CEP112: variants seen among roughly 807,000 people sequenced by gnomAD.
The protein encoded by CEP112 is centrosomal protein 112.
CEP112 carries 127 observed loss-of-function variants against 153.0 expected under a neutral mutation model. The observed-to-expected ratio is 0.83, with a 90% CI of 0.72 to 0.96. CEP112 has a LOEUF of 0.96. Among genes scored for constraint, CEP112 ranks in the 40% least tolerant of loss-of-function variants. The pLI is 0.00. For synonymous variants in CEP112, 358 were observed against 374.4 expected, an observed-to-expected ratio of 0.96 and a Z score of 0.51; for missense variants, 1,089 against 1,101.2, an observed-to-expected ratio of 0.99 and a Z score of 0.16.
intron 8 of CEP112, among the ~76,000 whole-genome samples, chr17:66,082,628 T>A (rs941481413): frequency 6.6e-6 from 1 of 152,050 alleles, no homozygotes; most frequent in Non-Finnish European, 1.5e-5. Context: ...CCAGATGTCA[T>A]GGCGTGTGCC....
At chr17:65,761,642 C>T (rs989966842) in intron 21 of CEP112, among the ~76,000 whole-genome samples, 1 of 152,012 alleles carries the variant, frequency 6.6e-6, no homozygotes, top group Admixed American at 6.6e-5. Context: ...ATTGAGATTT[C>T]TTCTTTGACC....
chr17:65,744,420 G>C (rs1174174754), intron 22 of CEP112, among the ~76,000 whole-genome samples: 1 of 151,980 alleles, frequency 6.6e-6, no homozygotes, highest in Non-Finnish European at 1.5e-5. Flanking sequence ...GCTAATTTTT[G>C]TATTTTTAGT....
At chr17:65,853,724 T>A (rs1202815585) in intron 20 of CEP112, among the ~76,000 whole-genome samples, 1 of 95,764 alleles carries the variant, frequency 1.0e-5, no homozygotes, top group African/African-American at 3.9e-5. Flanking sequence ...CGAGACTCCA[T>A]CTAAAAAAAA....
intron 12 of CEP112, among the ~76,000 whole-genome samples, chr17:66,030,607 A>T (rs2065422610): frequency 7.2e-6 from 1 of 139,512 alleles, no homozygotes; most frequent in Admixed American, 8.1e-5. Context: ...TGTAAAATGC[A>T]CTTCTCTACT....
At chr17:66,058,343 T>C (rs1033138578) in intron 11 of CEP112, among the ~76,000 whole-genome samples, 1 of 151,914 alleles carries the variant, frequency 6.6e-6, no homozygotes, top group Non-Finnish European at 1.5e-5. Context: ...ATATGCCAAA[T>C]TTATAGAAAA....
chr17:65,779,850 C>T (rs2053901102), intron 21 of CEP112, among the ~76,000 whole-genome samples: 1 of 152,084 alleles, frequency 6.6e-6, no homozygotes, highest in South Asian at 2.1e-4. Flanking sequence ...ATCAATACCC[C>T]TATTTACTAA....
intron 21 of CEP112, chr17:65,826,602 A>G: frequency 8.2e-7 from 1 of 1,214,940 alleles, no homozygotes; most frequent in Non-Finnish European, 1.0e-6. Context: ...TCCCAGGGGC[A>G]GAAAATAGGA....
intron 23 of CEP112, among the ~76,000 whole-genome samples, chr17:65,715,109 C>A (rs1414982056): frequency 6.6e-6 from 1 of 152,126 alleles, no homozygotes; most frequent in Non-Finnish European, 1.5e-5. Context: ...CAGGAAACAA[C>A]TCATGTGATG....
intron 6 of CEP112, among the ~76,000 whole-genome samples, chr17:66,098,552 C>G (rs1178218003): frequency 6.6e-6 from 1 of 152,072 alleles, no homozygotes; most frequent in Non-Finnish European, 1.5e-5. Context: ...GAAGTCATAA[C>G]ATTTATAATA....
At chr17:66,051,594 C>A (rs1348374) in intron 12 of CEP112, among the ~76,000 whole-genome samples, 62,432 of 151,862 alleles carry the variant, frequency 0.41, 14,293 homozygotes, top group East Asian at 0.87. Flanking sequence ...ACTGTGCATA[C>A]CACTTCTCAT....
chr17:65,940,039 T>C (rs2061461905), intron 18 of CEP112, among the ~76,000 whole-genome samples: 1 of 151,998 alleles, frequency 6.6e-6, no homozygotes, highest in Admixed American at 6.6e-5. Flanking sequence ...AATAACTCAA[T>C]AGCAAGAAAA....
At chr17:66,186,014 ATC>A (rs1223761989) in intron 1 of CEP112, among the ~76,000 whole-genome samples, 2 of 144,990 alleles carry the variant, frequency 1.4e-5, no homozygotes, top group Non-Finnish European at 3.1e-5. Flanking sequence ...GTCTCTCATA[ATC>A]TCTCTCATTC....
At chr17:65,646,682 A>G (rs2045447821) in intron 24 of CEP112, among the ~76,000 whole-genome samples, 1 of 152,212 alleles carries the variant, frequency 6.6e-6, no homozygotes, top group African/African-American at 2.4e-5. Flanking sequence ...TTTGCTCTAC[A>G]GTTTCTCAAA....
intron 18 of CEP112, among the ~76,000 whole-genome samples, chr17:65,944,678 T>C (rs772596114): frequency 6.6e-6 from 1 of 152,124 alleles, no homozygotes; most frequent in African/African-American, 2.4e-5. Context: ...TAACTTCAAA[T>C]GGCTGGGCTC....
At chr17:65,811,024 T>C (rs2055917252) in intron 21 of CEP112, among the ~76,000 whole-genome samples, 1 of 152,196 alleles carries the variant, frequency 6.6e-6, no homozygotes, top group Non-Finnish European at 1.5e-5. Flanking sequence ...TGTTGGAGGT[T>C]TGAGAAGAAT....
At chr17:65,871,499 G>A (rs12451037) in intron 20 of CEP112, among the ~76,000 whole-genome samples, 45,696 of 151,968 alleles carry the variant, frequency 0.3, 8,525 homozygotes, top group Middle Eastern at 0.43. Context: ...GCCAGGCATG[G>A]TGGCAGGCGC....
intron 20 of CEP112, among the ~76,000 whole-genome samples, chr17:65,896,435 G>A (rs1298442453): frequency 6.6e-6 from 1 of 151,822 alleles, no homozygotes; most frequent in Non-Finnish European, 1.5e-5. Flanking sequence ...GAAAGCTGGT[G>A]ACCTACACAA....
intron 6 of CEP112, among the ~76,000 whole-genome samples, chr17:66,116,818 C>A (rs2069315471): frequency 1.3e-5 from 2 of 150,734 alleles, no homozygotes; most frequent in Non-Finnish European, 2.9e-5. Context: ...AACTGCCATA[C>A]CATTTTAAAA....
intron 21 of CEP112, chr17:65,826,415 T>C: frequency 1.3e-6 from 2 of 1,571,066 alleles, no homozygotes; most frequent in Non-Finnish European, 1.7e-6. Flanking sequence ...CCTCCCCTGA[T>C]AGAAAGGTGA....
Sources: gnomAD v4.1 joint callset for allele counts (sites outside exome capture counted in the v4.1 genomes callset) on GRCh38, gnomAD v4.1.1 for gene constraint, MANE v1.5 for transcripts, NCBI Gene and HGNC (gene_info 2026-07-23, HGNC 2026-07-21) for gene names.